The following GRIN2B variants were observed in gnomAD, a reference collection of about 807,000 sequenced individuals.
GRIN2B encodes the protein glutamate ionotropic receptor NMDA type subunit 2B, also known as glutamate receptor ionotropic, NMDA 2B.
In GRIN2B, 5 loss-of-function variants were observed where a neutral mutation model predicts 114.5. The ratio of observed to expected loss-of-function variants is 0.04; its 90% CI spans 0.02 to 0.09. The LOEUF is 0.09. Among genes scored for constraint, GRIN2B ranks in the 10% least tolerant of loss-of-function variants. GRIN2B has a pLI of 1.00. For missense variants in GRIN2B, 1,108 were observed against 1,943.5 expected (o/e 0.57, Z 8.08); for synonymous variants, 787 against 745.1 (o/e 1.06, Z -0.92).
Position 13,545,592 on chromosome 12 carries a change from A to C in GRIN2B, c.*17191T>G, listed in dbSNP as rs929761668. 6.6e-6 allele frequency: 1 copy of C among 152,176 alleles called. No individual in the cohort carries two copies. The highest frequency in any genetic ancestry group is 2.4e-5 in the African/African-American group (1 of 41,450). 9.4% of individuals were successfully genotyped at this position (152,176 alleles called of 1,614,324 possible). On this transcript the variant is annotated 3_prime_UTR_variant, in exon 14 of 14. Coordinates refer to ENST00000609686, the MANE Select transcript of GRIN2B (RefSeq NM_000834.5). Reference sequence around the variant, plus strand: ...CCCCAAAACCTGGATATTTATTCTAAGTGTTTCTAAATTTTAACCAATGGC... The same window carrying C: ...CCCCAAAACCTGGATATTTATTCTACGTGTTTCTAAATTTTAACCAATGGC...
intron 3 of GRIN2B, among the ~76,000 whole-genome samples, chr12:13,774,076 A>C (rs887760275): frequency 6.6e-6 from 1 of 152,220 alleles, no homozygotes; most frequent in Non-Finnish European, 1.5e-5. Context: ...GTAAACTCCT[A>C]GTGCTCTTGA....
chr12:13,866,849 T>C (rs569181889), intron 2 of GRIN2B, among the ~76,000 whole-genome samples: 145 of 152,356 alleles, frequency 9.5e-4, no homozygotes, highest in Non-Finnish European at 1.4e-3. Flanking sequence ...ATTGCCTCAA[T>C]TGATCCTTAC....
At chr12:13,879,458 G>T (rs894397092) in intron 2 of GRIN2B, among the ~76,000 whole-genome samples, 2 of 149,998 alleles carry the variant, frequency 1.3e-5, no homozygotes, top group Admixed American at 6.6e-5. Flanking sequence ...ATATTGCAAA[G>T]AAATATATAA....
At chr12:13,787,367 G>C (rs1009385884) in intron 3 of GRIN2B, among the ~76,000 whole-genome samples, 5 of 152,172 alleles carry the variant, frequency 3.3e-5, no homozygotes, top group Non-Finnish European at 7.3e-5. Context: ...AATGGGACTT[G>C]GCTGCTACCA....
intron 4 of GRIN2B, among the ~76,000 whole-genome samples, chr12:13,690,585 C>T: frequency 6.6e-6 from 1 of 152,054 alleles, no homozygotes; most frequent in South Asian, 2.1e-4. Flanking sequence ...ATGTTTTTCT[C>T]ATTACACTGC....
At chr12:13,585,610 C>T (rs1454595776) in intron 10 of GRIN2B, among the ~76,000 whole-genome samples, 1 of 152,158 alleles carries the variant, frequency 6.6e-6, no homozygotes, top group Non-Finnish European at 1.5e-5. Context: ...GGTAAAGAAA[C>T]TTATGTAACC....
chr12:13,966,984 T>A (rs1284602065), intron 2 of GRIN2B, among the ~76,000 whole-genome samples: 3 of 152,248 alleles, frequency 2.0e-5, no homozygotes, highest in South Asian at 4.1e-4. Context: ...TCTGCCACCA[T>A]GTTACACTGC....
chr12:13,935,575 G>A (rs1444022552), intron 2 of GRIN2B, among the ~76,000 whole-genome samples: 1 of 152,164 alleles, frequency 6.6e-6, no homozygotes, highest in Non-Finnish European at 1.5e-5. Flanking sequence ...CCTGCCATGA[G>A]TTACTTAGCC....
chr12:13,797,731 G>T lies in GRIN2B; in HGVS notation c.412-43816C>A, dbSNP rs143932047. On this transcript the variant is annotated intron_variant, in intron 3 of 13. Transcript: ENST00000609686. ...GTGGAGGTAATATTCTTGTTTGATG[G>T]ACTTAAAACTCTATAAACAGACTTT... 1.8e-3 allele frequency among the ~76,000 whole-genome samples: 276 copies of T among 152,192 alleles called. 1 individual carries two copies. The highest frequency in any genetic ancestry group is 6.2e-3 in the African/African-American group (256 of 41,526).
chr12:13,736,338 A>G (rs1389830959), intron 4 of GRIN2B, among the ~76,000 whole-genome samples: 1 of 152,160 alleles, frequency 6.6e-6, no homozygotes, highest in African/African-American at 2.4e-5. Context: ...AACACCAAAT[A>G]GCCAGGATGA....
chr12:13,786,892 A>G, intron 3 of GRIN2B, among the ~76,000 whole-genome samples: 1 of 151,996 alleles, frequency 6.6e-6, no homozygotes, highest in African/African-American at 2.4e-5. Flanking sequence ...CCCGTTCAAG[A>G]GTGCCTAGTC....
intron 2 of GRIN2B, among the ~76,000 whole-genome samples, chr12:13,911,480 C>T (rs35136343): frequency 0.3 from 45,886 of 152,072 alleles, 7,437 homozygotes; most frequent in Middle Eastern, 0.37. Flanking sequence ...CCAGCCTCTG[C>T]AGTTTGTGTC....
chr12:13,596,723 A>C (rs1949078390), intron 10 of GRIN2B, among the ~76,000 whole-genome samples: 3 of 152,242 alleles, frequency 2.0e-5, no homozygotes, highest in South Asian at 4.1e-4. Flanking sequence ...TAAATGTGCA[A>C]GGGGCTGTAT....
chr12:13,602,930 C>T (rs1565471287), intron 10 of GRIN2B, among the ~76,000 whole-genome samples: 1 of 152,184 alleles, frequency 6.6e-6, no homozygotes, highest in Admixed American at 6.5e-5. Flanking sequence ...CGTGTGAAAT[C>T]GTTTGCAGCC....
intron 3 of GRIN2B, among the ~76,000 whole-genome samples, chr12:13,834,705 T>C (rs903348817): frequency 3.3e-5 from 5 of 152,212 alleles, no homozygotes; most frequent in African/African-American, 1.2e-4. Context: ...ATTTTGTGCC[T>C]TTTGTCCAAG....
In GRIN2B at chr12:13,852,358, A is replaced by G. The variant is rs1208837457; in HGVS notation, c.411+13440T>C. On this transcript the variant is annotated intron_variant, in intron 3 of 13. Transcript: ENST00000609686. Reference sequence around the variant, plus strand: ...ACACTAGTGCATGGAAACTCCAAGAACTCAAAAGGAGAAGCAGCCATTTAG... The same window carrying G: ...ACACTAGTGCATGGAAACTCCAAGAGCTCAAAAGGAGAAGCAGCCATTTAG... 2.0e-5 allele frequency among the ~76,000 whole-genome samples: 3 copies of G among 152,150 alleles called. 1 individual carries two copies. The highest frequency in any genetic ancestry group is 7.2e-5 in the African/African-American group (3 of 41,414).
At chr12:13,887,422 AG>A (rs1279004073) in intron 2 of GRIN2B, among the ~76,000 whole-genome samples, 2 of 152,172 alleles carry the variant, frequency 1.3e-5, no homozygotes, top group Non-Finnish European at 2.9e-5. Context: ...AGGAAAAAAA[AG>A]TTTTCTCTAT....
chr12:13,672,759 A>T (rs1442556980), intron 5 of GRIN2B, among the ~76,000 whole-genome samples: 1 of 152,182 alleles, frequency 6.6e-6, no homozygotes. Flanking sequence ...CCCTACAAAA[A>T]GATTAACCAC....
At chr12:13,604,824 T>G (rs1260929195) in intron 10 of GRIN2B, among the ~76,000 whole-genome samples, 1 of 152,222 alleles carries the variant, frequency 6.6e-6, no homozygotes, top group Non-Finnish European at 1.5e-5. Context: ...TGATATGCAG[T>G]CATTAGTTAC....
Sources: allele counts gnomAD v4.1 joint callset (sites outside exome capture counted in the v4.1 genomes callset), GRCh38; gene constraint gnomAD v4.1.1; transcripts MANE v1.5; gene names NCBI Gene and HGNC (gene_info 2026-07-23, HGNC 2026-07-21).